The following UNC93B1 variants were observed in gnomAD, a reference collection of about 807,000 sequenced individuals.
UNC93B1 encodes the protein unc-93B1 regulator of TLR signaling.
A neutral mutation model predicts 56.8 loss-of-function variants in UNC93B1; 33 were observed. That is an observed-to-expected ratio of 0.58 (90% CI 0.44 to 0.78). The LOEUF is 0.78. UNC93B1 is among the 30% of genes least tolerant of loss of function. The pLI is 0.00. For synonymous variants in UNC93B1, 334 were observed against 358.6 expected (o/e 0.93, Z 0.77); for missense variants, 673 against 819.5 (o/e 0.82, Z 2.18).
At chr11:67,997,127 GACCTC>G (rs1429113967) in intron 7 of UNC93B1, among the ~76,000 whole-genome samples, 1 of 150,792 alleles carries the variant, frequency 6.6e-6, no homozygotes, top group Non-Finnish European at 1.5e-5. Flanking sequence ...CCCCGCGCCA[GACCTC>G]AGCCCCGCCT....
At chr11:68,001,952 T>TG (rs1398275389) in intron 3 of UNC93B1, among the ~76,000 whole-genome samples, 3 of 151,960 alleles carry the variant, frequency 2.0e-5, no homozygotes, top group African/African-American at 7.3e-5. Flanking sequence ...AAGACCAGCC[T>TG]GGTCAACATA....
At chr11:67,999,395 G>T in intron 4 of UNC93B1, 90 bp from the exon 5 acceptor site, 1 of 1,551,270 alleles carries the variant, frequency 6.4e-7, no homozygotes, top group Non-Finnish European at 8.7e-7. Context: ...GACCAGCCCC[G>T]GTGTGGGGAA....
Position 67,997,750 on chromosome 11 carries a change from C to T in UNC93B1, c.831G>A (p.Arg277=), listed in dbSNP as rs2134362209. The T allele has an allele frequency of 6.2e-7, 1 of 1,610,294 alleles. No homozygotes were observed. Among genetic ancestry groups the T allele is most frequent in the Non-Finnish European group, 8.5e-7 (1 of 1,179,842 alleles). The change falls in exon 7 of 11, where the codon CGG becomes CGA. Residue 277 remains arginine, a synonymous_variant. Transcript: ENST00000227471. ...ILSGFNKTVL[R]TLPRSGNLIV... ...TGAGGTTTCCGCTCCGCGGGAGCGTCCGCAGAACCGTCTTGTTGAAGCCGC... is the reference window on the plus strand; with the variant it reads ...TGAGGTTTCCGCTCCGCGGGAGCGTTCGCAGAACCGTCTTGTTGAAGCCGC...
Position 67,997,748 on chromosome 11 carries a change from G to A in UNC93B1, c.833C>T (p.Thr278Met), listed in dbSNP as rs1415149798. ...AATGAGGTTTCCGCTCCGCGGGAGC[G>A]TCCGCAGAACCGTCTTGTTGAAGCC... ...LSGFNKTVLR[T>M]LPRSGNLIVV... Residue 278 changes from threonine to methionine, a missense_variant, in exon 7 of 11, where the codon ACG (threonine) becomes ATG (methionine). By Grantham distance (81) the Thr-to-Met change is moderately conservative. Around this residue, in one of 3 missense-constraint regions of UNC93B1, gnomAD observed 438 missense variants for 465.9 expected, o/e 0.94. Transcript: ENST00000227471. 1.2e-6 allele frequency: 2 copies of A among 1,610,208 alleles called. No homozygotes were observed. The highest frequency in any genetic ancestry group is 1.1e-5 in the South Asian group (1 of 91,060).
intron 10 of UNC93B1, among the ~76,000 whole-genome samples, chr11:67,992,286 T>G (rs4014601): frequency 2.3e-4 from 35 of 152,350 alleles, no homozygotes; most frequent in African/African-American, 6.7e-4. Flanking sequence ...CATAGCCCAG[T>G]ACATACACAC....
chr11:67,996,233 C>A (rs1180777907), intron 8 of UNC93B1, among the ~76,000 whole-genome samples: 4 of 151,920 alleles, frequency 2.6e-5, no homozygotes, highest in Non-Finnish European at 5.9e-5. Flanking sequence ...TTACTCCCCA[C>A]AAGAGGTGTT....
In UNC93B1 at chr11:67,999,213, T is replaced by C; in HGVS notation, c.647A>G (p.Tyr216Cys). ...QRPPRGSHAP[Y>C]LLVFQAIFYS... ...GAAGATGGCTTGGAAGACCAGGAGATAGGGCGCGTGGGAGCCCCGCGGAGG... is the reference window on the plus strand; with the variant it reads ...GAAGATGGCTTGGAAGACCAGGAGACAGGGCGCGTGGGAGCCCCGCGGAGG... Residue 216 changes from tyrosine to cysteine, a missense_variant, in exon 5 of 11, where the codon TAT (tyrosine) becomes TGT (cysteine). Around this residue, in one of 3 missense-constraint regions of UNC93B1, gnomAD observed 438 missense variants for 465.9 expected, o/e 0.94. Coordinates refer to ENST00000227471, the MANE Select transcript of UNC93B1 (RefSeq NM_030930.4). The C allele has an allele frequency of 3.7e-6, 6 of 1,613,258 alleles. No homozygotes were observed. The highest frequency in any genetic ancestry group is 2.2e-5 in the South Asian group (2 of 91,088).
chr11:68,003,244 CA>C lies in UNC93B1; in HGVS notation c.239-70del. 1.4e-6 allele frequency: 2 copies of C among 1,462,454 alleles called. No individual in the cohort carries two copies. Among genetic ancestry groups the C allele is most frequent in the Non-Finnish European group, 1.8e-6 (2 of 1,103,946 alleles). 90.6% of individuals were successfully genotyped at this position (1,462,454 alleles called of 1,614,324 possible). ...TTGGGCGCCACCGAGCAGAAGACGGCATGCAGGCCTCGCAGGGAGCTCCAAT... is the reference window on the plus strand; with the variant it reads ...TTGGGCGCCACCGAGCAGAAGACGGCTGCAGGCCTCGCAGGGAGCTCCAAT... On this transcript the variant is annotated intron_variant, in intron 2 of 10. Coordinates refer to ENST00000227471, the MANE Select transcript of UNC93B1 (RefSeq NM_030930.4). This position sits in a 1 kb window ranked among gnomAD's most constrained non-coding sequence, Gnocchi z 4.4.
chr11:67,997,228 C>A, intron 7 of UNC93B1, among the ~76,000 whole-genome samples: 1 of 147,182 alleles, frequency 6.8e-6, no homozygotes, highest in East Asian at 2.1e-4. Flanking sequence ...CAGCCACGGA[C>A]TGGGCCTTGC....
At chr11:68,001,952 T>C (rs577403375) in intron 3 of UNC93B1, among the ~76,000 whole-genome samples, 2 of 152,078 alleles carry the variant, frequency 1.3e-5, no homozygotes, top group South Asian at 2.1e-4. Context: ...AAGACCAGCC[T>C]GGTCAACATA....
At position 68,003,935 on chromosome 11, in the gene UNC93B1, G is replaced by C. The variant is rs1202229122; in HGVS notation, c.96+13C>G. On this transcript the variant is annotated intron_variant, in intron 1 of 10. Transcript: ENST00000227471. The surrounding 1 kb of genome is among the most constrained non-coding windows in gnomAD (Gnocchi z 4.4). ...GGGGACGCCCGCGCCTCGCACTCCG[G>C]GTCCCCGCTCACCGGGGCCTCGGGC... The C allele has an allele frequency of 2.9e-6, 4 of 1,375,822 alleles. No homozygotes were observed. The highest frequency in any genetic ancestry group is 1.5e-5 in the African/African-American group (1 of 66,524). 85.2% of individuals were successfully genotyped at this position (1,375,822 alleles called of 1,614,324 possible). A position where few individuals can be genotyped will look rare whatever the true frequency, so the allele number is the denominator to read the frequency against.
chr11:68,001,399 C>T (rs1176896576), intron 3 of UNC93B1, among the ~76,000 whole-genome samples: 1 of 152,054 alleles, frequency 6.6e-6, no homozygotes, highest in African/African-American at 2.4e-5. Context: ...GATGTGGTGG[C>T]TCACACCTGT....
chr11:67,999,022 T>C, intron 5 of UNC93B1, 151 bp downstream of exon 5: 1 of 1,295,248 alleles, frequency 7.7e-7, no homozygotes, highest in Non-Finnish European at 1.0e-6. Context: ...GCCCAGGAGT[T>C]CAAAGCCATC....
chr11:68,003,669 C>A lies in UNC93B1; in HGVS notation c.226G>T (p.Gly76Cys). The A allele has an allele frequency of 3.3e-6, 5 of 1,528,432 alleles. No homozygotes were observed. The highest frequency in any genetic ancestry group is 4.4e-6 in the Non-Finnish European group (5 of 1,142,966). 94.7% of individuals were successfully genotyped at this position (1,528,432 alleles called of 1,614,324 possible). A position where few individuals can be genotyped will look rare whatever the true frequency, so the allele number is the denominator to read the frequency against. The change falls in exon 2 of 11, where the codon GGC becomes TGC. Residue 76 changes from glycine (G) to cysteine (C), a missense_variant. By Grantham distance (159) the Gly-to-Cys change is radical (BLOSUM62 -3). Transcript: ENST00000227471. The surrounding 1 kb of genome is among the most constrained non-coding windows in gnomAD (Gnocchi z 4.4). ...AASAGGMLTY[G>C]VYLGLLQMQL... ...GAGCGGCACCTACCCAGGTAGACGC[C>A]GTAGGTGAGCATGCCCCCGGCGCTG... is the stretch of plus-strand genomic sequence containing the variant.
At chr11:67,999,138 C>T in intron 5 of UNC93B1, 35 bp downstream of exon 5, 1 of 1,613,012 alleles carries the variant, frequency 6.2e-7, no homozygotes, top group Non-Finnish European at 8.5e-7. Context: ...GTGGGTCTGC[C>T]CCTGCCACCC....
At chr11:67,993,955 G>T (rs1222381974) in intron 9 of UNC93B1, among the ~76,000 whole-genome samples, 161 bp from the exon 10 acceptor site, 2 of 152,230 alleles carry the variant, frequency 1.3e-5, no homozygotes, top group Non-Finnish European at 2.9e-5. Flanking sequence ...CTGCCCCCTG[G>T]TGGAGACCCT....
chr11:67,997,904 G>T, intron 6 of UNC93B1, 105 bp from the exon 7 acceptor site: 1 of 1,493,386 alleles, frequency 6.7e-7, no homozygotes, highest in Non-Finnish European at 9.0e-7. Flanking sequence ...GGTGGAGGGC[G>T]GGAGAGTGAG....
chr11:67,992,652 C>CTTT (rs551140497), intron 10 of UNC93B1, among the ~76,000 whole-genome samples: 2 of 134,400 alleles, frequency 1.5e-5, no homozygotes, highest in African/African-American at 2.8e-5. Flanking sequence ...CACTGCTTTT[C>CTTT]TTTTTTTTTT....
In UNC93B1 at chr11:67,991,581, G is replaced by C; in HGVS notation, c.1759C>G (p.Gln587Glu). 8 of 1,493,400 alleles carry C rather than the reference G, an allele frequency of 5.4e-6. No individual in the cohort carries two copies. The highest frequency in any genetic ancestry group is 6.2e-6 in the Non-Finnish European group (7 of 1,129,230). 92.5% of individuals were successfully genotyped at this position (1,493,400 alleles called of 1,614,324 possible). A position where few individuals can be genotyped will look rare whatever the true frequency, so the allele number is the denominator to read the frequency against. ...TCCGGCCCGTCTCCCCCCTGCGCCTGTTCGTACGGGCAGGGCCGGCGGCCG... is the reference window on the plus strand; with the variant it reads ...TCCGGCCCGTCTCCCCCCTGCGCCTCTTCGTACGGGCAGGGCCGGCGGCCG... The part of the protein sequence containing the change: ...GLGRRPCPYE[Q>E]AQGGDGPEEQ The change falls in exon 11 of 11, where the codon CAG becomes GAG. Residue 587 changes from glutamine to glutamate, a missense_variant. Physicochemically the swap from Gln to Glu is conservative, Grantham distance 29 (BLOSUM62 2). This residue lies in a region of UNC93B1 where 80 missense variants were observed against 85.3 expected (regional missense o/e 0.94). Coordinates refer to ENST00000227471, the MANE Select transcript of UNC93B1 (RefSeq NM_030930.4).
Sources: allele counts gnomAD v4.1 joint callset (sites outside exome capture counted in the v4.1 genomes callset), GRCh38; gene constraint gnomAD v4.1.1; regional missense constraint gnomAD v4.1.1; non-coding constraint Gnocchi (gnomAD v3.1); transcripts MANE v1.5; gene names NCBI Gene and HGNC (gene_info 2026-07-23, HGNC 2026-07-21).